Variants in LHFPL3 observed in about 807,000 individuals in gnomAD.
LHFPL3 encodes LHFPL tetraspan subfamily member 3, also known as LHFPL tetraspan subfamily member 3 protein.
Under a neutral mutation model 19.3 loss-of-function variants are expected in LHFPL3, and 5 were observed. The observed-to-expected ratio is 0.26, with a 90% CI of 0.14 to 0.54. The LOEUF (loss-of-function observed/expected upper bound fraction) is 0.54. LHFPL3 is among the 20% of genes least tolerant of loss of function. LHFPL3 has a pLI of 0.94. For synonymous variants in LHFPL3, 133 were observed against 126.2 expected, an observed-to-expected ratio of 1.05 and a Z score of -0.36; for missense variants, 249 against 307.4, an observed-to-expected ratio of 0.81 and a Z score of 1.42.
At chr7:104,514,321 G>C (rs1793878743) in intron 1 of LHFPL3, among the ~76,000 whole-genome samples, 1 of 151,760 alleles carries the variant, frequency 6.6e-6, no homozygotes, top group Non-Finnish European at 1.5e-5. Flanking sequence ...AGGCTACCAT[G>C]AACTTCTCCT....
intron 2 of LHFPL3, among the ~76,000 whole-genome samples, chr7:104,774,734 G>A (rs905114569): frequency 1.3e-5 from 2 of 152,106 alleles, no homozygotes; most frequent in Admixed American, 6.5e-5. Flanking sequence ...TTCAAGTACT[G>A]TATTTTTATA....
At chr7:104,561,252 T>G (rs1452888453) in intron 1 of LHFPL3, among the ~76,000 whole-genome samples, 2 of 148,726 alleles carry the variant, frequency 1.3e-5, no homozygotes, top group African/African-American at 2.6e-5. Context: ...ACTTCCTGTC[T>G]CGTTGATCTG....
At chr7:104,788,376 T>C (rs934411489) in intron 2 of LHFPL3, among the ~76,000 whole-genome samples, 3 of 152,238 alleles carry the variant, frequency 2.0e-5, no homozygotes, top group African/African-American at 7.2e-5. Context: ...CCTCTCAGAC[T>C]GACTCCTCTG....
intron 1 of LHFPL3, among the ~76,000 whole-genome samples, chr7:104,488,358 T>C (rs1054032922): frequency 6.6e-6 from 1 of 152,174 alleles, no homozygotes; most frequent in African/African-American, 2.4e-5. Context: ...AAATTCCCTG[T>C]TGCTCTTTAG....
chr7:104,678,494 TA>T (rs1427584036), intron 1 of LHFPL3, among the ~76,000 whole-genome samples: 3 of 152,178 alleles, frequency 2.0e-5, no homozygotes, highest in African/African-American at 7.2e-5. Context: ...GCTGATGTTT[TA>T]AAAGCTATTT....
intron 1 of LHFPL3, among the ~76,000 whole-genome samples, chr7:104,378,544 T>C (rs1179386188): frequency 6.6e-6 from 1 of 152,202 alleles, no homozygotes; most frequent in African/African-American, 2.4e-5. Context: ...TTTTTACTTT[T>C]CTTGGGTAAA....
At chr7:104,406,924 G>C (rs1791427991) in intron 1 of LHFPL3, among the ~76,000 whole-genome samples, 1 of 152,128 alleles carries the variant, frequency 6.6e-6, no homozygotes, top group Non-Finnish European at 1.5e-5. Flanking sequence ...TATCTCTTTG[G>C]TCATGAGCTA....
chr7:104,552,520 G>T (rs1407097510), intron 1 of LHFPL3, among the ~76,000 whole-genome samples: 4 of 152,142 alleles, frequency 2.6e-5, no homozygotes, highest in African/African-American at 9.7e-5. Context: ...ATTTCCTAGG[G>T]GTGGGGTAAA....
intron 2 of LHFPL3, among the ~76,000 whole-genome samples, chr7:104,877,662 T>G (rs1266091930): frequency 6.6e-6 from 1 of 152,066 alleles, no homozygotes; most frequent in Admixed American, 6.6e-5. Flanking sequence ...TCTCATACAT[T>G]GCGGATGGGA....
rs182165427 is a variant in LHFPL3, at chr7:104,391,711, A to G, written c.445+62487A>G. ...ATGAACTTTAAAGTAGTTTTTTCCA[A>G]TTCTGTGAAGAAAGTCATTGGTAGC... On this transcript the variant is annotated intron_variant, in intron 1 of 2. Transcript: ENST00000424859. Among the ~76,000 whole-genome samples the G allele has an allele frequency of 8.3e-3, 1,266 of 152,192 alleles. 16 individuals are homozygous for G. Among genetic ancestry groups the G allele is most frequent in the African/African-American group, 0.029 (1,204 of 41,524 alleles).
chr7:104,332,811 T>C (rs930018725), intron 1 of LHFPL3, among the ~76,000 whole-genome samples: 1 of 152,160 alleles, frequency 6.6e-6, no homozygotes, highest in Non-Finnish European at 1.5e-5. Context: ...TATATCATAC[T>C]ATCTTTGGAT....
At chr7:104,643,092 G>C (rs1791866761) in intron 1 of LHFPL3, among the ~76,000 whole-genome samples, 3 of 152,252 alleles carry the variant, frequency 2.0e-5, no homozygotes, top group African/African-American at 7.2e-5. Flanking sequence ...CTTTGCAGAG[G>C]GGGCATGAAT....
chr7:104,559,754 G>A (rs1789943594), intron 1 of LHFPL3, among the ~76,000 whole-genome samples: 1 of 151,838 alleles, frequency 6.6e-6, no homozygotes, highest in African/African-American at 2.4e-5. Context: ...TCCCTGTCTT[G>A]TGCCAGTTTT....
chr7:104,450,868 A>G (rs574013427), intron 1 of LHFPL3, among the ~76,000 whole-genome samples: 21 of 152,350 alleles, frequency 1.4e-4, no homozygotes, highest in African/African-American at 4.8e-4. Context: ...TGACTTCCCT[A>G]TGAATGTCCT....
chr7:104,572,070 G>T (rs2115991932), intron 1 of LHFPL3, among the ~76,000 whole-genome samples: 1 of 152,234 alleles, frequency 6.6e-6, no homozygotes, highest in East Asian at 1.9e-4. Context: ...GAACTATTTT[G>T]TTCTTTTCAA....
chr7:104,408,503 T>G (rs1166231076), intron 1 of LHFPL3, among the ~76,000 whole-genome samples: 1 of 152,186 alleles, frequency 6.6e-6, no homozygotes, highest in African/African-American at 2.4e-5. Flanking sequence ...TGATCAATAT[T>G]GAACCATATG....
chr7:104,730,722 T>C (rs1189969500), intron 1 of LHFPL3, among the ~76,000 whole-genome samples: 10 of 152,254 alleles, frequency 6.6e-5, no homozygotes, highest in African/African-American at 2.2e-4. Flanking sequence ...GGTAGTTTCT[T>C]TTGCTGTGCA....
In LHFPL3 at chr7:104,695,400, A is replaced by G. The variant is rs75013232; in HGVS notation, c.446-41275A>G. Among the ~76,000 whole-genome samples the G allele has an allele frequency of 4.2e-3, 647 of 152,378 alleles. 24 individuals carry two copies. In the East Asian group the frequency reaches 0.091, roughly 21 times the overall value. On this transcript the variant is annotated intron_variant, in intron 1 of 2. Transcript: ENST00000424859. ...AAGAAATGCAAATCAATAAAGAAGC[A>G]AGAACACAGATGAGACTCTTATCAA... is the stretch of plus-strand genomic sequence containing the variant.
intron 1 of LHFPL3, among the ~76,000 whole-genome samples, chr7:104,427,196 A>G (rs1006248639): frequency 1.3e-5 from 2 of 152,218 alleles, no homozygotes; most frequent in Admixed American, 6.5e-5. Context: ...GAAAGGAGGA[A>G]AAACACATGT....
Sources: gnomAD v4.1 joint callset for allele counts (sites outside exome capture counted in the v4.1 genomes callset) on GRCh38, gnomAD v4.1.1 for gene constraint, MANE v1.5 for transcripts, NCBI Gene and HGNC (gene_info 2026-07-23, HGNC 2026-07-21) for gene names.